Variants in KCTD16 observed in about 807,000 individuals in gnomAD.
KCTD16 encodes BTB/POZ domain-containing protein KCTD16.
KCTD16 carries 13 observed loss-of-function variants against 33.2 expected under a neutral mutation model. The ratio of observed to expected loss-of-function variants is 0.39; its 90% CI spans 0.25 to 0.62. The LOEUF is 0.62. Among genes scored for constraint, KCTD16 ranks in the 20% least tolerant of loss-of-function variants. KCTD16 has a pLI of 0.50. For missense variants in KCTD16, 441 were observed against 525.1 expected (o/e 0.84, Z 1.57); for synonymous variants, 197 against 195.3 (o/e 1.01, Z -0.07).
chr5:144,444,910 T>A (rs952659327), intron 3 of KCTD16, among the ~76,000 whole-genome samples: 3 of 149,674 alleles, frequency 2.0e-5, no homozygotes, highest in Non-Finnish European at 4.4e-5. Context: ...ATAGTATATA[T>A]AATATACAAT....
intron 3 of KCTD16, among the ~76,000 whole-genome samples, chr5:144,325,800 C>T (rs1342172748): frequency 2.0e-5 from 3 of 152,228 alleles, no homozygotes; most frequent in African/African-American, 4.8e-5. Flanking sequence ...CCTGTTTCCC[C>T]TCACCCCTTG....
At chr5:144,388,566 C>A (rs1388497861) in intron 3 of KCTD16, among the ~76,000 whole-genome samples, 1 of 152,066 alleles carries the variant, frequency 6.6e-6, no homozygotes, top group Non-Finnish European at 1.5e-5. Context: ...AATACAGAAG[C>A]AAAGCTACAT....
chr5:144,220,928 G>A (rs1466531510), intron 3 of KCTD16, among the ~76,000 whole-genome samples: 3 of 147,712 alleles, frequency 2.0e-5, no homozygotes, highest in South Asian at 2.1e-4. Context: ...GCGACAGAGC[G>A]AGACTACGTC....
At chr5:144,464,777 TTCC>T (rs1754283114) in intron 3 of KCTD16, among the ~76,000 whole-genome samples, 1 of 151,740 alleles carries the variant, frequency 6.6e-6, no homozygotes, top group African/African-American at 2.4e-5. Context: ...CTTCTTCTTC[TTCC>T]TCTTCTTCTT....
intron 3 of KCTD16, among the ~76,000 whole-genome samples, chr5:144,435,777 T>C (rs889173468): frequency 2.0e-5 from 3 of 151,990 alleles, no homozygotes; most frequent in Non-Finnish European, 4.4e-5. Context: ...TTTTGTTTTG[T>C]GGTGGTGGTT....
At chr5:144,415,075 GA>G (rs144023051) in intron 3 of KCTD16, among the ~76,000 whole-genome samples, 387 of 152,292 alleles carry the variant, frequency 2.5e-3, no homozygotes, top group African/African-American at 8.9e-3. Flanking sequence ...GGAAGTCCAA[GA>G]GCAAAGGTCC....
At chr5:144,299,937 A>G (rs573949869) in intron 3 of KCTD16, among the ~76,000 whole-genome samples, 1 of 151,652 alleles carries the variant, frequency 6.6e-6, no homozygotes. Context: ...AAACAAAAAG[A>G]CCCATTTTCT....
chr5:144,181,182 C>T (rs1752616758), intron 2 of KCTD16, among the ~76,000 whole-genome samples: 1 of 152,212 alleles, frequency 6.6e-6, no homozygotes, highest in Non-Finnish European at 1.5e-5. Context: ...ATCCGCCCGC[C>T]TCTGCCTCCC....
intron 3 of KCTD16, among the ~76,000 whole-genome samples, chr5:144,308,967 A>G (rs753046892): frequency 1.3e-5 from 2 of 152,058 alleles, no homozygotes; most frequent in Admixed American, 1.3e-4. Context: ...TTTTTATAGA[A>G]GAGAAGACTG....
At chr5:144,393,835 C>T (rs1382606161) in intron 3 of KCTD16, among the ~76,000 whole-genome samples, 1 of 151,982 alleles carries the variant, frequency 6.6e-6, no homozygotes, top group Non-Finnish European at 1.5e-5. Context: ...TTTCTGCATT[C>T]TCTGTGCCAA....
rs181994724 is a variant in KCTD16 at position 144,400,874 on chromosome 5, T to C, written c.833-72786T>C. Among the ~76,000 whole-genome samples the C allele has an allele frequency of 5.1e-3, 773 of 152,292 alleles. 7 individuals carry two copies. The highest frequency in any genetic ancestry group is 5.7e-3 in the Non-Finnish European group (388 of 68,034). ...GACTTGGTGGGGAAGAAGTCAGTGA[T>C]GTGAAAAGCTGAAGGAAGAGCATTT... On this transcript the variant is annotated intron_variant, in intron 3 of 3. Coordinates refer to ENST00000512467, the MANE Select transcript of KCTD16 (RefSeq NM_020768.4).
intron 3 of KCTD16, among the ~76,000 whole-genome samples, chr5:144,297,195 T>C (rs1756063519): frequency 6.6e-6 from 1 of 152,254 alleles, no homozygotes; most frequent in Non-Finnish European, 1.5e-5. Flanking sequence ...TTTTCCTTCA[T>C]AAAATGTTTA....
At chr5:144,448,530 G>T (rs13357627) in intron 3 of KCTD16, among the ~76,000 whole-genome samples, 2,578 of 152,178 alleles carry the variant, frequency 0.017, 74 homozygotes, top group African/African-American at 0.055. Context: ...TCGTAACACT[G>T]AGGCTGAAGT....
intron 3 of KCTD16, among the ~76,000 whole-genome samples, chr5:144,390,800 G>A (rs1181674167): frequency 3.3e-5 from 5 of 152,038 alleles, no homozygotes. Flanking sequence ...TTCTGTGTTA[G>A]TTTACTGAGA....
chr5:144,395,086 A>C (rs1752535147), intron 3 of KCTD16, among the ~76,000 whole-genome samples: 1 of 152,194 alleles, frequency 6.6e-6, no homozygotes, highest in Admixed American at 6.5e-5. Context: ...ACTGAATCAG[A>C]AACTCTGAGA....
At chr5:144,246,519 G>A (rs1561541818) in intron 3 of KCTD16, among the ~76,000 whole-genome samples, 1 of 151,998 alleles carries the variant, frequency 6.6e-6, no homozygotes, top group African/African-American at 2.4e-5. Flanking sequence ...AACTTTTATG[G>A]CATGTAATTT....
intron 3 of KCTD16, among the ~76,000 whole-genome samples, chr5:144,268,823 A>G (rs1054578737): frequency 6.6e-6 from 1 of 152,184 alleles, no homozygotes; most frequent in Non-Finnish European, 1.5e-5. Context: ...TGTACACAGA[A>G]CTAAAGAAAG....
rs562842299 is a variant in KCTD16 at position 144,344,299 on chromosome 5, G to A, written c.833-129361G>A. Reference sequence around the variant, plus strand: ...ATTACCATTCAGGACATAGGCATGGGCAAGGACTTCATGTCTAAAACACCA... The same window carrying A: ...ATTACCATTCAGGACATAGGCATGGACAAGGACTTCATGTCTAAAACACCA... On this transcript the variant is annotated intron_variant, in intron 3 of 3. Coordinates refer to ENST00000512467, the MANE Select transcript of KCTD16 (RefSeq NM_020768.4). Among the ~76,000 whole-genome samples, 10 of 151,418 alleles carry A rather than the reference G, an allele frequency of 6.6e-5. No individual in the cohort carries two copies. The East Asian group carries it at 1.7e-3, about 26-fold the overall frequency.
intron 3 of KCTD16, among the ~76,000 whole-genome samples, chr5:144,353,575 T>C (rs1440813452): frequency 2.6e-5 from 4 of 152,238 alleles, no homozygotes; most frequent in African/African-American, 4.8e-5. Context: ...GCTTAGGCAG[T>C]TCCTCACATA....
Sources: allele counts gnomAD v4.1 joint callset (sites outside exome capture counted in the v4.1 genomes callset), GRCh38; gene constraint gnomAD v4.1.1; transcripts MANE v1.5; gene names NCBI Gene and HGNC (gene_info 2026-07-23, HGNC 2026-07-21).